The following KCNH7 variants were observed in gnomAD, a reference collection of about 807,000 sequenced individuals.
The protein encoded by KCNH7 is potassium voltage-gated channel subfamily H member 7, also known as voltage-gated inwardly rectifying potassium channel KCNH7.
KCNH7 carries 49 observed loss-of-function variants against 120.8 expected under a neutral mutation model. The ratio of observed to expected loss-of-function variants is 0.41; its 90% CI spans 0.32 to 0.51. The LOEUF is 0.51. KCNH7 is among the 20% of genes least tolerant of loss of function. KCNH7 has a pLI of 0.38. For synonymous variants in KCNH7, 547 were observed against 516.1 expected (o/e 1.06, Z -0.81); for missense variants, 1,097 against 1,446.6 (o/e 0.76, Z 3.92).
intron 7 of KCNH7, among the ~76,000 whole-genome samples, chr2:162,437,421 T>C (rs543035925): frequency 2.0e-5 from 3 of 152,290 alleles, no homozygotes; most frequent in Admixed American, 2.0e-4. Context: ...AGTATATTTC[T>C]TCCCTATGAA....
chr2:162,733,048 C>T (rs1000244920), intron 2 of KCNH7, among the ~76,000 whole-genome samples: 1 of 152,212 alleles, frequency 6.6e-6, no homozygotes, highest in East Asian at 1.9e-4. Flanking sequence ...CCTTTCAGAC[C>T]TGATATAAAT....
Position 162,620,796 on chromosome 2 carries a change from T to G in KCNH7, c.308-83716A>C, listed in dbSNP as rs538816958. 3.3e-5 allele frequency among the ~76,000 whole-genome samples: 5 copies of G among 152,214 alleles called. No individual in the cohort carries two copies. The South Asian group carries it at 1.0e-3, about 32-fold the overall frequency. On this transcript the variant is annotated intron_variant, in intron 2 of 15. Transcript: ENST00000332142. Reference sequence around the variant, plus strand: ...GCATCTTTTTTTAGGTGCCAAGAAATCATAGAATAATCTTCCTATTACAGA... The same window carrying G: ...GCATCTTTTTTTAGGTGCCAAGAAAGCATAGAATAATCTTCCTATTACAGA...
chr2:162,778,863 T>G (rs638652), intron 2 of KCNH7, among the ~76,000 whole-genome samples: 5,818 of 152,214 alleles, frequency 0.038, 160 homozygotes, highest in East Asian at 0.083. Flanking sequence ...TACAGTAAAT[T>G]TATTCATTGA....
chr2:162,524,325 C>G (rs1691629235), intron 3 of KCNH7, among the ~76,000 whole-genome samples: 1 of 151,996 alleles, frequency 6.6e-6, no homozygotes, highest in African/African-American at 2.4e-5. Context: ...TATAGCCACA[C>G]CACGGCAAAG....
chr2:162,492,442 G>A (rs1384285127), intron 6 of KCNH7, among the ~76,000 whole-genome samples: 1 of 152,072 alleles, frequency 6.6e-6, no homozygotes, highest in African/African-American at 2.4e-5. Flanking sequence ...ATGGCCACAT[G>A]GTATCAATCC....
intron 8 of KCNH7, among the ~76,000 whole-genome samples, chr2:162,428,938 C>T (rs1016772359): frequency 1.3e-5 from 2 of 151,584 alleles, no homozygotes; most frequent in Admixed American, 6.6e-5. Context: ...TTTAAAAATG[C>T]TTTCTGATAA....
chr2:162,820,245 G>GTGTGTGTGTGTGTGT (rs1685068925), intron 2 of KCNH7, among the ~76,000 whole-genome samples: 1 of 149,456 alleles, frequency 6.7e-6, no homozygotes, highest in Admixed American at 6.7e-5. Context: ...GTGTGTGTGT[G>GTGTGTGTGTGTGTGT]TGTGTGTGTT....
chr2:162,567,571 A>G (rs114538278), intron 2 of KCNH7, among the ~76,000 whole-genome samples: 1,768 of 152,136 alleles, frequency 0.012, 19 homozygotes, highest in South Asian at 0.036. Flanking sequence ...GAAATGATAT[A>G]AAAGCATATA....
At chr2:162,609,172 C>T (rs1682878227) in intron 2 of KCNH7, among the ~76,000 whole-genome samples, 1 of 152,144 alleles carries the variant, frequency 6.6e-6, no homozygotes, top group South Asian at 2.1e-4. Flanking sequence ...CCTACACAAA[C>T]CCAAAGTATC....
intron 2 of KCNH7, among the ~76,000 whole-genome samples, chr2:162,816,124 G>A (rs1684909529): frequency 6.6e-6 from 1 of 151,930 alleles, no homozygotes; most frequent in African/African-American, 2.4e-5. Flanking sequence ...GGTTGTGGTG[G>A]CGCATGCCTG....
At chr2:162,539,840 G>A (rs1450357427) in intron 2 of KCNH7, among the ~76,000 whole-genome samples, 2 of 151,902 alleles carry the variant, frequency 1.3e-5, no homozygotes, top group Non-Finnish European at 2.9e-5. Flanking sequence ...ATAGCCTCCC[G>A]GAAGGCAGAC....
At chr2:162,620,611 A>G (rs1574179994) in intron 2 of KCNH7, among the ~76,000 whole-genome samples, 1 of 152,102 alleles carries the variant, frequency 6.6e-6, no homozygotes, top group East Asian at 1.9e-4. Context: ...TAGTTTTGAA[A>G]TCTTTCATCC....
chr2:162,564,900 C>T (rs1693199892), intron 2 of KCNH7, among the ~76,000 whole-genome samples: 1 of 152,040 alleles, frequency 6.6e-6, no homozygotes, highest in African/African-American at 2.4e-5. Flanking sequence ...CTCCAAAACC[C>T]CACTTGGTTA....
intron 2 of KCNH7, among the ~76,000 whole-genome samples, chr2:162,789,455 G>C (rs1457254767): frequency 6.6e-6 from 1 of 151,936 alleles, no homozygotes; most frequent in Non-Finnish European, 1.5e-5. Flanking sequence ...AGATCATCCA[G>C]GTAGAAAAAT....
chr2:162,701,424 A>G (rs1288789634), intron 2 of KCNH7, among the ~76,000 whole-genome samples: 1 of 152,134 alleles, frequency 6.6e-6, no homozygotes, highest in African/African-American at 2.4e-5. Flanking sequence ...ACTTACAGAC[A>G]CTGTCAAAAA....
At chr2:162,410,750 A>G (rs1437598543) in intron 9 of KCNH7, among the ~76,000 whole-genome samples, 4 of 152,096 alleles carry the variant, frequency 2.6e-5, no homozygotes, top group Non-Finnish European at 5.9e-5. Context: ...GCAAACCAAC[A>G]AGCAAAAATC....
intron 6 of KCNH7, among the ~76,000 whole-genome samples, chr2:162,499,518 G>A (rs1256803069): frequency 1.3e-5 from 2 of 152,104 alleles, no homozygotes. Flanking sequence ...AATAAATAAA[G>A]AAGGTGAGAT....
chr2:162,590,911 C>G, intron 2 of KCNH7, among the ~76,000 whole-genome samples: 1 of 152,186 alleles, frequency 6.6e-6, no homozygotes, highest in Middle Eastern at 3.4e-3. Flanking sequence ...GAATAAAATT[C>G]AAACTCTTGT....
chr2:162,678,115 G>A (rs191740195), intron 2 of KCNH7, among the ~76,000 whole-genome samples: 23 of 150,316 alleles, frequency 1.5e-4, no homozygotes, highest in African/African-American at 5.4e-4. Flanking sequence ...ATACATACAC[G>A]TGTGTGTATG....
Sources: allele counts gnomAD v4.1 joint callset (sites outside exome capture counted in the v4.1 genomes callset), GRCh38; gene constraint gnomAD v4.1.1; transcripts MANE v1.5; gene names NCBI Gene and HGNC (gene_info 2026-07-23, HGNC 2026-07-21).